P2RX2: variants seen among roughly 807,000 people sequenced by gnomAD.
P2RX2 encodes P2X purinoceptor 2.
In P2RX2, 50 loss-of-function variants were observed where a neutral mutation model predicts 54.8. That is an observed-to-expected ratio of 0.91 (90% CI 0.73 to 1.15). P2RX2 has a LOEUF of 1.15. P2RX2 is among the 50% of genes most tolerant of loss of function. P2RX2 has a pLI of 0.00. For missense variants in P2RX2, 658 were observed against 633.2 expected, an observed-to-expected ratio of 1.04 and a Z score of -0.42; for synonymous variants, 289 against 259.4, an observed-to-expected ratio of 1.11 and a Z score of -1.09.
Position 132,620,259 on chromosome 12 carries a change from C to A in P2RX2, c.555-8C>A. 1 of 1,612,764 alleles carries A rather than the reference C, an allele frequency of 6.2e-7. No individual in the cohort carries two copies. Among genetic ancestry groups the A allele is most frequent in the Admixed American group, 1.7e-5 (1 of 60,024 alleles). On this transcript the variant is annotated splice_region_variant and splice_polypyrimidine_tract_variant and intron_variant, in intron 5 of 10. Transcript: ENST00000643471. The stretch of plus-strand genomic sequence containing the variant: ...AGGGGACTAAACAACCCTTCTGTGC[C>A]TCCTCAGCCAATTTCTGGGTACGAT...
intron 10 of P2RX2, 28 bp downstream of exon 10, chr12:132,621,568 G>A (rs762412709): frequency 6.9e-5 from 110 of 1,597,656 alleles, no homozygotes; most frequent in Middle Eastern, 1.7e-4. Context: ...GGGTCCCAGC[G>A]GGTGCGGGGG....
At chr12:132,619,398 C>T (rs1385786482) in intron 1 of P2RX2, 41 bp from the exon 2 acceptor site, 1 of 1,609,218 alleles carries the variant, frequency 6.2e-7, no homozygotes, top group South Asian at 1.1e-5. Context: ...ACTCAGCCTT[C>T]CCAGGGTCGC....
intron 9 of P2RX2, 64 bp from the exon 10 acceptor site, chr12:132,621,411 A>T (rs368580008): frequency 1.2e-6 from 2 of 1,602,196 alleles, no homozygotes; most frequent in East Asian, 2.2e-5. Flanking sequence ...CTCACGCCCC[A>T]CCCCTCCCTT....
chr12:132,620,188 C>T, intron 5 of P2RX2, 79 bp from the exon 6 acceptor site: 1 of 1,489,496 alleles, frequency 6.7e-7, no homozygotes, highest in Middle Eastern at 1.9e-4. Context: ...GTGACAAGAT[C>T]TGGGGAGGGG....
chr12:132,619,633 G>A (rs1222751234), intron 2 of P2RX2, 46 bp from the exon 3 acceptor site: 10 of 1,584,860 alleles, frequency 6.3e-6, no homozygotes, highest in South Asian at 1.1e-5. Flanking sequence ...GGGCGGAGGG[G>A]GCAGCGGCTG....
In P2RX2 at chr12:132,622,151, C is replaced by G; in HGVS notation, c.*179C>G. Reference sequence around the variant, plus strand: ...TCTGGCCCCAGGCTTGTGCCCCACCCTGGCATACAGCCCCTGACACCTCCT... The same window carrying G: ...TCTGGCCCCAGGCTTGTGCCCCACCGTGGCATACAGCCCCTGACACCTCCT... On this transcript the variant is annotated 3_prime_UTR_variant, in exon 11 of 11. Coordinates refer to ENST00000643471, the MANE Select transcript of P2RX2 (RefSeq NM_170682.4). The G allele has an allele frequency of 6.9e-7, 1 of 1,444,980 alleles. No individual in the cohort carries two copies. Among genetic ancestry groups the G allele is most frequent in the Non-Finnish European group, 9.0e-7 (1 of 1,105,528 alleles). The allele number at this position is 1,444,980 out of a possible 1,614,324, so 89.5% of individuals were successfully genotyped here.
Position 132,619,505 on chromosome 12 carries a change from C to T in P2RX2, c.240C>T (p.Thr80=). 6.2e-7 allele frequency: 1 copy of T among 1,612,720 alleles called. No homozygotes were observed. The highest frequency in any genetic ancestry group is 8.5e-7 in the Non-Finnish European group (1 of 1,179,396). ...SETGPESSII[T]KVKGITTSEH... ...CGGGCCCCGAGAGCTCCATCATCAC[C>T]AAGGTCAAGGGGATCACCACGTCCG... The change falls in exon 2 of 11, where the codon ACC becomes ACT. Residue 80 remains threonine (T), a synonymous_variant. Transcript: ENST00000643471.
At position 132,618,935 on chromosome 12, in the gene P2RX2, G is replaced by C; in HGVS notation, c.119G>C (p.Arg40Pro). ...TPKVIVVRNR[R>P]LGVLYRAVQL... ...AAGGTGATCGTGGTGAGGAACCGGC[G>C]CCTGGGGGTCCTGTACCGCGCCGTG... The change falls in exon 1 of 11, where the codon CGC (arginine) becomes CCC (proline). Residue 40 changes from arginine (R) to proline (P), a missense_variant. Arg to Pro is a moderately radical substitution (Grantham distance 103). Transcript: ENST00000643471. 1 of 1,329,162 alleles carries C rather than the reference G, an allele frequency of 7.5e-7. No homozygotes were observed. The highest frequency in any genetic ancestry group is 9.7e-7 in the Non-Finnish European group (1 of 1,031,676). The allele number at this position is 1,329,162 out of a possible 1,614,324, so 82.3% of individuals were successfully genotyped here.
At position 132,621,912 on chromosome 12, in the gene P2RX2, T is replaced by G. The variant is rs759097200; in HGVS notation, c.1356T>G (p.Pro452=). 6 of 1,613,704 alleles carry G rather than the reference T, an allele frequency of 3.7e-6. No homozygotes were observed. The highest frequency in any genetic ancestry group is 5.1e-6 in the Non-Finnish European group (6 of 1,180,012). Residue 452 remains proline, a synonymous_variant, in exon 11 of 11, where the codon CCT becomes CCG. Coordinates refer to ENST00000643471, the MANE Select transcript of P2RX2 (RefSeq NM_170682.4). The stretch of plus-strand genomic sequence containing the variant: ...CTTCTGAGCAGATGGTGGACACTCC[T>G]GCCTCCGAGCCTGCCCAAGCCTCCA... ...SAPSEQMVDT[P]ASEPAQASTP...
Position 132,618,850 on chromosome 12 carries a change from G to T in P2RX2, c.34G>T (p.Ala12Ser). The change falls in exon 1 of 11, where the codon GCG becomes TCG. Residue 12 changes from alanine to serine, a missense_variant. Coordinates refer to ENST00000643471, the MANE Select transcript of P2RX2 (RefSeq NM_170682.4). ...CGCCCAGCCCAAGTACCCCGCCGGG[G>T]CGACCGCCCGGCGCCTGGCCCGGGG... Reference protein sequence around the residue: ...AAAQPKYPAGATARRLARGCW... With the variant: ...AAAQPKYPAGSTARRLARGCW... 1 of 1,359,556 alleles carries T rather than the reference G, an allele frequency of 7.4e-7. No homozygotes were observed. Among genetic ancestry groups the T allele is most frequent in the African/African-American group, 1.5e-5 (1 of 66,186 alleles). The allele number at this position is 1,359,556 out of a possible 1,614,324, so 84.2% of individuals were successfully genotyped here.
chr12:132,622,338 T>A lies in P2RX2; in HGVS notation c.*366T>A. On this transcript the variant is annotated 3_prime_UTR_variant, in exon 11 of 11. Transcript: ENST00000643471. ...GTTGTAACCTTGAATCTGCCCAGACTCTTCCCTTAGAAGTCACAACATACT... is the reference window on the plus strand; with the variant it reads ...GTTGTAACCTTGAATCTGCCCAGACACTTCCCTTAGAAGTCACAACATACT... 3.5e-6 allele frequency: 2 copies of A among 573,022 alleles called. No individual in the cohort carries two copies. The highest frequency in any genetic ancestry group is 4.8e-6 in the Non-Finnish European group (2 of 415,818). 35.5% of individuals were successfully genotyped at this position (573,022 alleles called of 1,614,324 possible). A position where few individuals can be genotyped will look rare whatever the true frequency, so the allele number is the denominator to read the frequency against.
intron 4 of P2RX2, 35 bp downstream of exon 4, chr12:132,619,954 G>GGGGGC: frequency 7.9e-6 from 10 of 1,262,130 alleles, no homozygotes; most frequent in African/African-American, 1.5e-5. Context: ...GGCGGGTGGG[G>GGGGGC]CAGGGCTGCG....
chr12:132,622,116 G>T lies in P2RX2; in HGVS notation c.*144G>T. On this transcript the variant is annotated 3_prime_UTR_variant, in exon 11 of 11. Coordinates refer to ENST00000643471, the MANE Select transcript of P2RX2 (RefSeq NM_170682.4). ...ACCACAGGATCCCTGTGCAAGGGCT[G>T]GGGGCACGCTCTGGCCCCAGGCTTG... is the stretch of plus-strand genomic sequence containing the variant. The T allele has an allele frequency of 1.3e-6, 2 of 1,494,116 alleles. No individual in the cohort carries two copies. Among genetic ancestry groups the T allele is most frequent in the Non-Finnish European group, 8.8e-7 (1 of 1,130,484 alleles). The allele number at this position is 1,494,116 out of a possible 1,614,324, so 92.6% of individuals were successfully genotyped here.
chr12:132,620,863 A>C (rs2041636139), intron 7 of P2RX2, 138 bp from the exon 8 acceptor site: 1 of 1,377,412 alleles, frequency 7.3e-7, no homozygotes, highest in Non-Finnish European at 1.0e-6. Flanking sequence ...CCTCACATGC[A>C]GCCTGGGACT....
intron 4 of P2RX2, 31 bp downstream of exon 4, chr12:132,619,950 T>TGGGCCCCCGGGGGGGGGGGGGGGGG: frequency 1.2e-6 from 1 of 859,158 alleles, no homozygotes; most frequent in African/African-American, 1.8e-5. Flanking sequence ...GCTGGGCGGG[T>TGGGCCCCCGGGGGGGGGGGGGGGGG]GGGGCAGGGC....
Position 132,621,110 on chromosome 12 carries a change from C to T in P2RX2, c.884C>T (p.Ala295Val). The change falls in exon 8 of 11, where the codon GCC (alanine) becomes GTC (valine). Residue 295 changes from alanine to valine, a missense_variant. Physicochemically the swap from Ala to Val is moderately conservative, Grantham distance 64. Transcript: ENST00000643471. Reference sequence around the variant, plus strand: ...AGGCTTGACCCCAAGCACGTGCCTGCCTCGTCAGGCTACAACTTCAGGTGC... The same window carrying T: ...AGGCTTGACCCCAAGCACGTGCCTGTCTCGTCAGGCTACAACTTCAGGTGC... ...FRRLDPKHVP[A>V]SSGYNFRFAK... 6.2e-7 allele frequency: 1 copy of T among 1,614,106 alleles called. No individual in the cohort carries two copies. The highest frequency in any genetic ancestry group is 2.2e-5 in the East Asian group (1 of 44,882).
Position 132,621,307 on chromosome 12 carries a change from G to A in P2RX2, c.958G>A (p.Ala320Thr). The A allele has an allele frequency of 6.2e-7, 1 of 1,614,040 alleles. No homozygotes were observed. The highest frequency in any genetic ancestry group is 8.5e-7 in the Non-Finnish European group (1 of 1,179,982). ...NGTTTRTLIK[A>T]YGIRIDVIVH... Reference sequence around the variant, plus strand: ...CACCACCACCCGCACGCTCATCAAGGCCTACGGGATCCGCATTGACGTCAT... The same window carrying A: ...CACCACCACCCGCACGCTCATCAAGACCTACGGGATCCGCATTGACGTCAT... Residue 320 changes from alanine (A) to threonine (T), a missense_variant, in exon 9 of 11, where the codon GCC becomes ACC. Coordinates refer to ENST00000643471, the MANE Select transcript of P2RX2 (RefSeq NM_170682.4).
At position 132,621,195 on chromosome 12, in the gene P2RX2, A is replaced by G. The variant is rs970580953; in HGVS notation, c.906-60A>G. 124 of 1,613,790 alleles carry G rather than the reference A, an allele frequency of 7.7e-5. No homozygotes were observed. The East Asian group carries it at 2.7e-3, about 35-fold the overall frequency. ...CTGTGGTGGGGTCCCGAGAGGCCCA[A>G]TGCCTGTGGGGCAGCCCTGGAGTGC... On this transcript the variant is annotated intron_variant, in intron 8 of 10. Transcript: ENST00000643471.
chr12:132,620,336 C>G lies in P2RX2; in HGVS notation c.624C>G (p.Phe208Leu). Residue 208 changes from phenylalanine to leucine, a missense_variant, in exon 6 of 11, where the codon TTC (phenylalanine) becomes TTG (leucine). Coordinates refer to ENST00000643471, the MANE Select transcript of P2RX2 (RefSeq NM_170682.4). ...AGAACAGCATCCACTACCCCAAATT[C>G]CACTTCTCCAAGTAAGAGCCGCGGG... Reference protein sequence around the residue: ...LIKNSIHYPKFHFSKGNIADR... With the variant: ...LIKNSIHYPKLHFSKGNIADR... 1 of 1,614,092 alleles carries G rather than the reference C, an allele frequency of 6.2e-7. No individual in the cohort carries two copies. The highest frequency in any genetic ancestry group is 8.5e-7 in the Non-Finnish European group (1 of 1,179,912).
Sources: allele counts gnomAD v4.1 joint callset, GRCh38; gene constraint gnomAD v4.1.1; transcripts MANE v1.5; gene names NCBI Gene and HGNC (gene_info 2026-07-23, HGNC 2026-07-21).